The following ATP6V1G3 variants were observed in gnomAD, a reference collection of about 807,000 sequenced individuals.
ATP6V1G3 encodes ATPase H+ transporting V1 subunit G3.
ATP6V1G3 carries 9 observed loss-of-function variants against 9.3 expected under a neutral mutation model. That is an observed-to-expected ratio of 0.97 (90% CI 0.59 to 1.69). ATP6V1G3 has a LOEUF of 1.69. ATP6V1G3 is among the 40% of genes most tolerant of loss of function. The pLI, the probability that ATP6V1G3 is intolerant of heterozygous loss-of-function variation, is 0.00. For missense variants in ATP6V1G3, 133 were observed against 139.0 expected (o/e 0.96, Z 0.22); for synonymous variants, 43 against 43.8 (o/e 0.98, Z 0.07).
At chr1:198,524,228 G>A (rs1412161950) in intron 2 of ATP6V1G3, among the ~76,000 whole-genome samples, 2 of 151,016 alleles carry the variant, frequency 1.3e-5, no homozygotes, top group African/African-American at 2.4e-5. Context: ...AGGTTCAAGC[G>A]ATTCTCCCAC....
intron 1 of ATP6V1G3, chr1:198,536,611 TTAAC>T (rs1359840161): frequency 7.5e-7 from 1 of 1,337,008 alleles, no homozygotes; most frequent in Non-Finnish European, 1.0e-6. Context: ...AGTGAGAGCT[TTAAC>T]TAATAAATAT....
intron 1 of ATP6V1G3, among the ~76,000 whole-genome samples, chr1:198,530,191 T>C (rs1045023029): frequency 2.6e-5 from 4 of 152,188 alleles, no homozygotes; most frequent in Non-Finnish European, 5.9e-5. Context: ...ACCCATTTTA[T>C]AGTTTTTTTC....
intron 1 of ATP6V1G3, chr1:198,536,748 T>C (rs1349666347): frequency 2.6e-6 from 4 of 1,567,554 alleles, no homozygotes; most frequent in South Asian, 1.1e-5. Context: ...TAAAAACAAA[T>C]GGAATGAGAT....
chr1:198,533,021 C>G (rs1659967198), intron 1 of ATP6V1G3, among the ~76,000 whole-genome samples: 1 of 152,042 alleles, frequency 6.6e-6, no homozygotes, highest in South Asian at 2.1e-4. Context: ...AAAAGGATTT[C>G]TTGGCTAGGC....
intron 1 of ATP6V1G3, among the ~76,000 whole-genome samples, chr1:198,529,392 T>TA (rs1422908130): frequency 1.3e-5 from 2 of 151,668 alleles, no homozygotes; most frequent in Non-Finnish European, 2.9e-5. Flanking sequence ...CAAACTTTGC[T>TA]AAAAAAATAG....
intron 1 of ATP6V1G3, among the ~76,000 whole-genome samples, chr1:198,537,884 T>A (rs886141959): frequency 1.3e-5 from 2 of 152,236 alleles, no homozygotes; most frequent in African/African-American, 4.8e-5. Context: ...AGTTATAACA[T>A]ACTGGTATAT....
At chr1:198,524,123 A>AT (rs10712995) in intron 2 of ATP6V1G3, among the ~76,000 whole-genome samples, 2,151 of 133,262 alleles carry the variant, frequency 0.016, 71 homozygotes, top group African/African-American at 0.054. Flanking sequence ...TATATGCACA[A>AT]TTTTTTTTTT....
At chr1:198,539,264 T>C (rs944558734) in intron 1 of ATP6V1G3, among the ~76,000 whole-genome samples, 4 of 152,238 alleles carry the variant, frequency 2.6e-5, no homozygotes, top group Non-Finnish European at 5.9e-5. Flanking sequence ...GACTTTCTTA[T>C]GTTGTAATAT....
rs148099385 is a variant in ATP6V1G3 at position 198,527,828 on chromosome 1, A to G, written c.183+1253T>C. Among the ~76,000 whole-genome samples, 255 of 152,318 alleles carry G rather than the reference A, an allele frequency of 1.7e-3. 2 individuals are homozygous for G. The highest frequency in any genetic ancestry group is 5.9e-3 in the African/African-American group (245 of 41,580). ...AATATATCAGATAATGCTAAGTGCT[A>G]TGAGGAAAAAGAGTGGACTACAATA... is the stretch of plus-strand genomic sequence containing the variant. On this transcript the variant is annotated intron_variant, in intron 2 of 2. Coordinates refer to ENST00000367382, the MANE Select transcript of ATP6V1G3 (RefSeq NM_001376861.1).
intron 1 of ATP6V1G3, among the ~76,000 whole-genome samples, chr1:198,538,616 T>C (rs1008839141): frequency 2.6e-5 from 4 of 152,012 alleles, no homozygotes; most frequent in African/African-American, 9.7e-5. Context: ...AAAGAAGTTT[T>C]TAAAAAGGCC....
At chr1:198,524,423 G>A (rs1330523191) in intron 2 of ATP6V1G3, among the ~76,000 whole-genome samples, 1 of 152,026 alleles carries the variant, frequency 6.6e-6, no homozygotes, top group African/African-American at 2.4e-5. Flanking sequence ...GCGCCTGGCT[G>A]CCGAAGTGTG....
At chr1:198,539,711 G>C (rs767782194) in intron 1 of ATP6V1G3, among the ~76,000 whole-genome samples, 1 of 152,276 alleles carries the variant, frequency 6.6e-6, no homozygotes, top group Non-Finnish European at 1.5e-5. Flanking sequence ...TTTCAGTAAA[G>C]GTTGTGAGGA....
intron 1 of ATP6V1G3, among the ~76,000 whole-genome samples, chr1:198,531,093 C>T (rs535995542): frequency 1.8e-4 from 27 of 152,090 alleles, no homozygotes; most frequent in Non-Finnish European, 3.5e-4. Context: ...CTCCATCACA[C>T]GGTGACAGGC....
chr1:198,525,783 A>G (rs1659628730), intron 2 of ATP6V1G3, among the ~76,000 whole-genome samples: 2 of 152,172 alleles, frequency 1.3e-5, no homozygotes, highest in East Asian at 3.8e-4. Flanking sequence ...TAGTAGCCAC[A>G]TGTGAAGTGG....
chr1:198,536,592 A>G (rs897762371), intron 1 of ATP6V1G3: 7 of 1,195,022 alleles, frequency 5.9e-6, no homozygotes, highest in Non-Finnish European at 8.2e-6. Context: ...AGTTTTGCAC[A>G]TAAAAATGAG....
intron 1 of ATP6V1G3, chr1:198,536,815 C>T (rs1305378938): frequency 8.0e-6 from 8 of 996,500 alleles, no homozygotes; most frequent in African/African-American, 1.6e-5. Context: ...TACAAAAATA[C>T]ATGACATATA....
intron 1 of ATP6V1G3, among the ~76,000 whole-genome samples, chr1:198,535,455 C>T (rs991028826): frequency 6.6e-6 from 1 of 150,468 alleles, no homozygotes; most frequent in African/African-American, 2.4e-5. Flanking sequence ...TGGTTGGCAT[C>T]CTATAGACTC....
intron 1 of ATP6V1G3, among the ~76,000 whole-genome samples, chr1:198,540,024 G>A (rs1215768116): frequency 6.6e-6 from 1 of 151,978 alleles, no homozygotes; most frequent in Non-Finnish European, 1.5e-5. Flanking sequence ...TTGGAGTTCA[G>A]CCAGGGCAAC....
intron 1 of ATP6V1G3, among the ~76,000 whole-genome samples, chr1:198,537,525 T>A (rs1007722918): frequency 6.6e-6 from 1 of 152,196 alleles, no homozygotes; most frequent in Admixed American, 6.5e-5. Context: ...AAAGAGAAAA[T>A]GACCATAGAC....
Sources: allele counts gnomAD v4.1 joint callset (sites outside exome capture counted in the v4.1 genomes callset), GRCh38; gene constraint gnomAD v4.1.1; transcripts MANE v1.5; gene names NCBI Gene and HGNC (gene_info 2026-07-23, HGNC 2026-07-21).